Variants in JAG1 observed in about 807,000 individuals in gnomAD.
JAG1 encodes jagged canonical Notch ligand 1, also known as protein jagged-1.
JAG1 carries 23 observed loss-of-function variants against 148.7 expected under a neutral mutation model. The ratio of observed to expected loss-of-function variants is 0.15; its 90% CI spans 0.11 to 0.22. The LOEUF (loss-of-function observed/expected upper bound fraction) is 0.22. Among genes scored for constraint, JAG1 ranks in the 10% least tolerant of loss-of-function variants. JAG1 has a pLI of 1.00. For synonymous variants in JAG1, 572 were observed against 598.3 expected (o/e 0.96, Z 0.64); for missense variants, 1,054 against 1,611.2 (o/e 0.65, Z 5.92).
chr20:10,663,913 C>T lies in JAG1; in HGVS notation c.439+50G>A, dbSNP rs550644454. The T allele has an allele frequency of 3.7e-5, 56 of 1,496,090 alleles. No individual in the cohort carries two copies. In the East Asian group the frequency reaches 1.1e-3, roughly 30 times the overall value. 92.7% of individuals were successfully genotyped at this position (1,496,090 alleles called of 1,614,324 possible). A position where few individuals can be genotyped will look rare whatever the true frequency, so the allele number is the denominator to read the frequency against. ...TCCAGCTCCAACTGGTTGGCCAAGC[C>T]CCACACTTCCACGTGTGTTTAGAGA... On this transcript the variant is annotated intron_variant, in intron 3 of 25. Transcript: ENST00000254958.
rs1309768314 is a variant in JAG1, at chr20:10,648,577, G to A, written c.1541C>T (p.Pro514Leu). Residue 514 changes from proline to leucine, a missense_variant, in exon 12 of 26, where the codon CCC becomes CTC. Physicochemically the swap from Pro to Leu is moderately conservative, Grantham distance 98 (BLOSUM62 -3). This residue lies in a region of JAG1 where 245 missense variants were observed against 373.1 expected (regional missense o/e 0.66). Coordinates refer to ENST00000254958, the MANE Select transcript of JAG1 (RefSeq NM_000214.3). Reference sequence around the variant, plus strand: ...ACAGAGGTTTCCAGAGAAACCAGTGGGACACAGACACTGGAATCTGTTGAT... The same window carrying A: ...ACAGAGGTTTCCAGAGAAACCAGTGAGACACAGACACTGGAATCTGTTGAT... ...NEINRFQCLC[P>L]TGFSGNLCQL... 1 of 1,613,850 alleles carries A rather than the reference G, an allele frequency of 6.2e-7. No individual in the cohort carries two copies. The highest frequency in any genetic ancestry group is 8.5e-7 in the Non-Finnish European group (1 of 1,179,988).
intron 2 of JAG1, among the ~76,000 whole-genome samples, chr20:10,666,420 A>G (rs2067454518): frequency 6.6e-6 from 1 of 152,198 alleles, no homozygotes; most frequent in East Asian, 1.9e-4. Flanking sequence ...ACTATGCCGA[A>G]GTCACATACA....
At chr20:10,672,168 C>G (rs771870759) in intron 2 of JAG1, among the ~76,000 whole-genome samples, 1 of 152,124 alleles carries the variant, frequency 6.6e-6, no homozygotes, top group Non-Finnish European at 1.5e-5. Flanking sequence ...GGAGAGCGCC[C>G]CCGCACACAC....
intron 24 of JAG1, 82 bp downstream of exon 24, chr20:10,641,031 A>T: frequency 6.2e-7 from 1 of 1,611,518 alleles, no homozygotes; most frequent in South Asian, 1.1e-5. Context: ...GCTTTTTGTC[A>T]GTGAATTTGC....
intron 3 of JAG1, chr20:10,662,359 G>A (rs1301819127): frequency 6.6e-6 from 1 of 152,300 alleles, no homozygotes; most frequent in African/African-American, 2.4e-5. Flanking sequence ...GACCTGCGAG[G>A]TGACAGGAGG....
At chr20:10,649,659 T>C (rs1245748632) in intron 9 of JAG1, 24 bp from the exon 10 acceptor site, 11 of 1,436,886 alleles carry the variant, frequency 7.7e-6, no homozygotes, top group Non-Finnish European at 9.8e-6. Context: ...GGGATGAGCA[T>C]GAGAAATGAA....
At chr20:10,648,754 T>C (rs370590222) in intron 11 of JAG1, 32 bp from the exon 12 acceptor site, 2 of 1,604,820 alleles carry the variant, frequency 1.2e-6, no homozygotes, top group Middle Eastern at 1.6e-4. Flanking sequence ...GAGAGACACA[T>C]GCTTTTTTTC....
In JAG1 at chr20:10,656,421, A is replaced by G. The variant is rs577656334; in HGVS notation, c.732T>C (p.Ser244=). 6.2e-7 allele frequency: 1 copy of G among 1,614,082 alleles called. No homozygotes were observed. The highest frequency in any genetic ancestry group is 1.3e-5 in the African/African-American group (1 of 75,070). Residue 244 remains serine (S), a synonymous_variant, in exon 5 of 26, where the codon TCT becomes TCC. Transcript: ENST00000254958. ...ACCTGCAGTCACCTGGGAGTTTGCAAGACCCATGCTTAGGACTGCAGCCTT... is the reference window on the plus strand; with the variant it reads ...ACCTGCAGTCACCTGGGAGTTTGCAGGACCCATGCTTAGGACTGCAGCCTT... ...CRQGCSPKHG[S]CKLPGDCRCQ...
chr20:10,660,266 G>A (rs904928055), intron 3 of JAG1, among the ~76,000 whole-genome samples: 1 of 152,104 alleles, frequency 6.6e-6, no homozygotes, highest in Admixed American at 6.5e-5. Context: ...GACAAGCCTT[G>A]AACAAGCTCA....
At chr20:10,655,608 G>T (rs2067373545) in intron 5 of JAG1, among the ~76,000 whole-genome samples, 2 of 152,134 alleles carry the variant, frequency 1.3e-5, no homozygotes. Flanking sequence ...GAGTAGCTTT[G>T]GGGGCAAAAG....
At chr20:10,649,441 C>A in intron 10 of JAG1, 81 bp downstream of exon 10, 1 of 867,234 alleles carries the variant, frequency 1.2e-6, no homozygotes. Context: ...TGCTCAAGTC[C>A]TAGGACTGGA....
chr20:10,645,093 C>A lies in JAG1; in HGVS notation c.2227+50G>T, dbSNP rs540429229. On this transcript the variant is annotated intron_variant, in intron 17 of 25. Coordinates refer to ENST00000254958, the MANE Select transcript of JAG1 (RefSeq NM_000214.3). This position sits in a 1 kb window ranked among gnomAD's most constrained non-coding sequence, Gnocchi z 6.1. The stretch of plus-strand genomic sequence containing the variant: ...AGCTCCAGGGGCCAACCAGCAGACA[C>A]GCCCAGGTGGCCATGCCCACTGCAG... 3 of 1,534,858 alleles carry A rather than the reference C, an allele frequency of 2.0e-6. No individual in the cohort carries two copies. In the Admixed American group the frequency reaches 5.0e-5, roughly 26 times the overall value.
At chr20:10,668,593 T>C (rs942402413) in intron 2 of JAG1, among the ~76,000 whole-genome samples, 1 of 152,154 alleles carries the variant, frequency 6.6e-6, no homozygotes, top group Non-Finnish European at 1.5e-5. Flanking sequence ...GTGGGTGATA[T>C]GAATCCAGCC....
At position 10,652,573 on chromosome 20, in the gene JAG1, A is replaced by G; in HGVS notation, c.781T>C (p.Tyr261His). 1 of 1,614,008 alleles carries G rather than the reference A, an allele frequency of 6.2e-7. No homozygotes were observed. The highest frequency in any genetic ancestry group is 1.1e-5 in the South Asian group (1 of 91,082). Residue 261 changes from tyrosine (Y) to histidine (H), a missense_variant, in exon 6 of 26, where the codon TAC becomes CAC. Transcript: ENST00000254958. ...CRCQYGWQGL[Y>H]CDKCIPHPGC... Reference sequence around the variant, plus strand: ...GGGTGTGGGATGCACTTATCACAGTACAGGCCTTGCCAGCCGTACTGGCAC... The same window carrying G: ...GGGTGTGGGATGCACTTATCACAGTGCAGGCCTTGCCAGCCGTACTGGCAC...
At position 10,647,944 on chromosome 20, in the gene JAG1, G is replaced by A. The variant is rs374498402; in HGVS notation, c.1720+16C>T. On this transcript the variant is annotated intron_variant, in intron 13 of 25. Transcript: ENST00000254958. ...GCAAGTCTGGAGACAGCCAGGTCCC[G>A]GGAGAAGGGAGGTACCTTCACAGGG... 35 of 1,613,620 alleles carry A rather than the reference G, an allele frequency of 2.2e-5. No homozygotes were observed. Among genetic ancestry groups the A allele is most frequent in the East Asian group, 2.0e-4 (9 of 44,890 alleles).
Position 10,646,667 on chromosome 20 carries a change from C to T in JAG1, c.1885+272G>A, listed in dbSNP as rs112509369. Among the ~76,000 whole-genome samples the T allele has an allele frequency of 0.022, 3,291 of 152,054 alleles. 90 individuals are homozygous for T. Among genetic ancestry groups the T allele is most frequent in the Admixed American group, 0.087 (1,330 of 15,230 alleles). ...ATCTCTACTAAAAATACAAAATTAG[C>T]TGGGCGTGGTGGGCGTGGTGCGCAT... On this transcript the variant is annotated intron_variant, in intron 14 of 25. Coordinates refer to ENST00000254958, the MANE Select transcript of JAG1 (RefSeq NM_000214.3).
chr20:10,672,603 A>C, intron 2 of JAG1, 98 bp downstream of exon 2: 1 of 1,258,138 alleles, frequency 7.9e-7, no homozygotes. Flanking sequence ...CCTAGTTTCA[A>C]GCCAAAGCCC....
chr20:10,645,367 G>A lies in JAG1; in HGVS notation c.2102C>T (p.Thr701Ile). 6.2e-7 allele frequency: 1 copy of A among 1,612,640 alleles called. No individual in the cohort carries two copies. Among genetic ancestry groups the A allele is most frequent in the Non-Finnish European group, 8.5e-7 (1 of 1,179,590 alleles). The change falls in exon 16 of 26, where the codon ACC (threonine) becomes ATC (isoleucine). Residue 701 changes from threonine to isoleucine, a missense_variant. Thr to Ile is a moderately conservative substitution (Grantham distance 89). Coordinates refer to ENST00000254958, the MANE Select transcript of JAG1 (RefSeq NM_000214.3). This position sits in a 1 kb window ranked among gnomAD's most constrained non-coding sequence, Gnocchi z 6.1. ...CDCKNGWKGKTCHSRDSQCDE... is the reference protein window; with the variant it reads ...CDCKNGWKGKICHSRDSQCDE... ...CAACTACCACTTACGTGAGTGGCAG[G>A]TCTTTCCTTTCCACCCATTTTTACA... is the stretch of plus-strand genomic sequence containing the variant.
chr20:10,650,328 G>A lies in JAG1; in HGVS notation c.1153C>T (p.His385Tyr), dbSNP rs374935659. The A allele has an allele frequency of 5.0e-6, 8 of 1,613,398 alleles. No individual in the cohort carries two copies. The highest frequency in any genetic ancestry group is 1.7e-5 in the Admixed American group (1 of 60,016). Residue 385 changes from histidine to tyrosine, a missense_variant, in exon 9 of 26, where the codon CAC becomes TAC. This residue lies in a region of JAG1 where 245 missense variants were observed against 373.1 expected (regional missense o/e 0.66). Coordinates refer to ENST00000254958, the MANE Select transcript of JAG1 (RefSeq NM_000214.3). ...IDDCSPNNCS[H>Y]GGTCQDLVNG... ...ACCAGGTCCTGGCAGGTGCCCCCGT[G>A]GGAACAGTTATTAGGAGAACAGTCA... is the stretch of plus-strand genomic sequence containing the variant.
Sources: gnomAD v4.1 joint callset for allele counts (sites outside exome capture counted in the v4.1 genomes callset) on GRCh38, gnomAD v4.1.1 for gene constraint, gnomAD v4.1.1 regional missense constraint, Gnocchi (gnomAD v3.1) non-coding constraint, MANE v1.5 for transcripts, NCBI Gene and HGNC (gene_info 2026-07-23, HGNC 2026-07-21) for gene names.